Variants in HSF5 observed in about 807,000 individuals in gnomAD.
HSF5 encodes heat shock factor protein 5.
HSF5 carries 5 observed loss-of-function variants against 50.8 expected under a neutral mutation model. That is an observed-to-expected ratio of 0.10 (90% CI 0.05 to 0.21). HSF5 has a LOEUF of 0.21. Among genes scored for constraint, HSF5 ranks in the 10% least tolerant of loss-of-function variants. HSF5 has a pLI of 1.00. For synonymous variants in HSF5, 307 were observed against 307.4 expected (o/e 1.00, Z 0.02); for missense variants, 564 against 762.6 (o/e 0.74, Z 3.07).
intron 5 of HSF5, among the ~76,000 whole-genome samples, chr17:58,440,782 A>T (rs1190031935): frequency 1.3e-5 from 2 of 152,230 alleles, no homozygotes; most frequent in Non-Finnish European, 2.9e-5. Context: ...GTCTGGAAAA[A>T]AGAACAAACA....
chr17:58,479,763 G>C, intron 2 of HSF5, 130 bp downstream of exon 2: 1 of 739,466 alleles, frequency 1.4e-6, no homozygotes, highest in Non-Finnish European at 2.1e-6. Flanking sequence ...AGAAATCTTT[G>C]CCATTTCTTA....
chr17:58,474,392 T>C (rs1447912226), intron 2 of HSF5, among the ~76,000 whole-genome samples: 2 of 152,200 alleles, frequency 1.3e-5, no homozygotes, highest in African/African-American at 4.8e-5. Context: ...TCAGAAACTT[T>C]ATAGTCATTT....
At chr17:58,479,238 T>A (rs1975067283) in intron 2 of HSF5, among the ~76,000 whole-genome samples, 1 of 152,010 alleles carries the variant, frequency 6.6e-6, no homozygotes, top group Non-Finnish European at 1.5e-5. Flanking sequence ...AAATATATAA[T>A]AAACATATTA....
At position 58,480,104 on chromosome 17, in the gene HSF5, A is replaced by G; in HGVS notation, c.714T>C (p.His238=). The G allele has an allele frequency of 6.2e-7, 1 of 1,614,152 alleles. No homozygotes were observed. The highest frequency in any genetic ancestry group is 8.5e-7 in the Non-Finnish European group (1 of 1,180,026). ...HRIWQNSLGM[H]PGQVETSPTF... ...TGGGAGATGTCTCCACTTGTCCAGG[A>G]TGCATTCCAAGGGAGTTCTGCCATA... The change falls in exon 2 of 6, where the codon CAT becomes CAC. Residue 238 remains histidine, a synonymous_variant. Transcript: ENST00000323777.
chr17:58,456,149 A>G (rs1284583283), intron 5 of HSF5, among the ~76,000 whole-genome samples: 1 of 133,890 alleles, frequency 7.5e-6, no homozygotes, highest in Non-Finnish European at 1.6e-5. Flanking sequence ...GTATATATAT[A>G]TATGTGTGTG....
intron 2 of HSF5, among the ~76,000 whole-genome samples, chr17:58,467,295 A>G (rs1390905815): frequency 6.6e-6 from 1 of 152,242 alleles, no homozygotes; most frequent in Admixed American, 6.5e-5. Flanking sequence ...TTTATTGAAA[A>G]TAGAGGAATA....
intron 5 of HSF5, among the ~76,000 whole-genome samples, chr17:58,456,433 G>C (rs540030931): frequency 1.3e-5 from 2 of 152,226 alleles, no homozygotes; most frequent in East Asian, 3.9e-4. Context: ...GGGATATTGG[G>C]AGAAGTTGGT....
intron 1 of HSF5, 52 bp from the exon 2 acceptor site, chr17:58,480,319 C>T: frequency 6.6e-7 from 1 of 1,518,440 alleles, no homozygotes; most frequent in East Asian, 2.3e-5. Context: ...CATCACCAGA[C>T]ATAGTAAACC....
chr17:58,433,951 T>A (rs1974394844), intron 5 of HSF5, among the ~76,000 whole-genome samples: 1 of 145,586 alleles, frequency 6.9e-6, no homozygotes, highest in South Asian at 2.2e-4. Context: ...TTCACTCTTG[T>A]CGCCCAGGCT....
At chr17:58,432,467 A>G (rs1379314953) in intron 5 of HSF5, among the ~76,000 whole-genome samples, 2 of 152,208 alleles carry the variant, frequency 1.3e-5, no homozygotes, top group African/African-American at 2.4e-5. Context: ...GGAACACACC[A>G]TGTGAAAATC....
At chr17:58,437,474 A>G (rs978925669) in intron 5 of HSF5, among the ~76,000 whole-genome samples, 4 of 152,218 alleles carry the variant, frequency 2.6e-5, no homozygotes, top group African/African-American at 9.6e-5. Flanking sequence ...ACAGATGGTG[A>G]AAATTTCCCG....
intron 3 of HSF5, among the ~76,000 whole-genome samples, chr17:58,465,292 G>A (rs1443281505): frequency 2.7e-5 from 4 of 150,912 alleles, no homozygotes; most frequent in African/African-American, 9.8e-5. Flanking sequence ...AAAGAGCTGG[G>A]ATTATAAGGC....
intron 5 of HSF5, among the ~76,000 whole-genome samples, chr17:58,452,494 T>C (rs1974654473): frequency 6.6e-6 from 1 of 152,046 alleles, no homozygotes; most frequent in African/African-American, 2.4e-5. Context: ...TAATGAGCAA[T>C]AATATCAAAG....
chr17:58,425,591 A>AAAAC (rs1323579829), intron 5 of HSF5, among the ~76,000 whole-genome samples: 1 of 150,650 alleles, frequency 6.6e-6, no homozygotes, highest in Non-Finnish European at 1.5e-5. Context: ...AAAAAAAAAA[A>AAAAC]AAAAAAAAAA....
intron 5 of HSF5, among the ~76,000 whole-genome samples, chr17:58,442,358 G>A (rs1974509614): frequency 6.6e-6 from 1 of 152,218 alleles, no homozygotes; most frequent in Non-Finnish European, 1.5e-5. Context: ...TTTCAAGGGT[G>A]AGGTCCTCCA....
intron 5 of HSF5, among the ~76,000 whole-genome samples, chr17:58,445,019 A>C (rs953094576): frequency 6.6e-6 from 1 of 152,178 alleles, no homozygotes; most frequent in Non-Finnish European, 1.5e-5. Context: ...AATGTAAAAA[A>C]AAATCAAACC....
At chr17:58,429,510 G>A (rs1279881591) in intron 5 of HSF5, among the ~76,000 whole-genome samples, 1 of 151,996 alleles carries the variant, frequency 6.6e-6, no homozygotes, top group Non-Finnish European at 1.5e-5. Flanking sequence ...CCCCAGCTTG[G>A]GGGACAGAGC....
chr17:58,451,838 T>A (rs1426512806), intron 5 of HSF5, among the ~76,000 whole-genome samples: 2 of 146,588 alleles, frequency 1.4e-5, no homozygotes, highest in East Asian at 4.0e-4. Context: ...ATAGTAAAGA[T>A]CACAGCAGAA....
At chr17:58,432,046 C>G (rs1420359403) in intron 5 of HSF5, among the ~76,000 whole-genome samples, 1 of 152,094 alleles carries the variant, frequency 6.6e-6, no homozygotes, top group African/African-American at 2.4e-5. Context: ...CTGAACTGTA[C>G]ATTTTCAAAT....
Sources: allele counts gnomAD v4.1 joint callset (sites outside exome capture counted in the v4.1 genomes callset), GRCh38; gene constraint gnomAD v4.1.1; transcripts MANE v1.5; gene names NCBI Gene and HGNC (gene_info 2026-07-23, HGNC 2026-07-21).